Variants in GALNT1 observed in about 807,000 individuals in gnomAD.
GALNT1 encodes the protein polypeptide N-acetylgalactosaminyltransferase 1.
In GALNT1, 17 loss-of-function variants were observed where a neutral mutation model predicts 65.7. The ratio of observed to expected loss-of-function variants is 0.26; its 90% CI spans 0.18 to 0.39. The LOEUF is 0.39. Ranked by LOEUF, GALNT1 falls within the 10% of genes least tolerant of loss-of-function variation. The pLI is 1.00. For missense variants in GALNT1, 460 were observed against 672.8 expected (o/e 0.68, Z 3.50); for synonymous variants, 210 against 219.7 (o/e 0.96, Z 0.39).
Position 35,689,155 on chromosome 18 carries a change from A to G in GALNT1, c.861-18A>G. 1 of 1,450,556 alleles carries G rather than the reference A, an allele frequency of 6.9e-7. No individual in the cohort carries two copies. Among genetic ancestry groups the G allele is most frequent in the Non-Finnish European group, 9.7e-7 (1 of 1,032,446 alleles). 89.9% of individuals were successfully genotyped at this position (1,450,556 alleles called of 1,614,324 possible). On this transcript the variant is annotated intron_variant, in intron 6 of 11. Transcript: ENST00000269195. ...GTAAATTTTAAATTGCTAATGGTATAGCATTATTGAATTTCAGGACACCTA... is the reference window on the plus strand; with the variant it reads ...GTAAATTTTAAATTGCTAATGGTATGGCATTATTGAATTTCAGGACACCTA...
chr18:35,693,070 G>A (rs1281768946), intron 9 of GALNT1, among the ~76,000 whole-genome samples: 3 of 152,206 alleles, frequency 2.0e-5, no homozygotes, highest in African/African-American at 7.2e-5. Context: ...AATATGTCAG[G>A]TGGTGGTAAG....
At chr18:35,625,631 T>C (rs975768318) in intron 1 of GALNT1, among the ~76,000 whole-genome samples, 3 of 152,158 alleles carry the variant, frequency 2.0e-5, no homozygotes, top group African/African-American at 7.2e-5. Context: ...GTTGGTGTTG[T>C]AGCAAAAACA....
intron 1 of GALNT1, among the ~76,000 whole-genome samples, chr18:35,652,007 T>A (rs1013168029): frequency 8.5e-5 from 13 of 152,102 alleles, no homozygotes; most frequent in African/African-American, 3.1e-4. Flanking sequence ...TCTTCAATTT[T>A]CTAAAGACAT....
chr18:35,598,481 G>A (rs1302673092), intron 1 of GALNT1, among the ~76,000 whole-genome samples: 1 of 152,076 alleles, frequency 6.6e-6, no homozygotes, highest in Admixed American at 6.5e-5. Flanking sequence ...AGAACACGAG[G>A]TATTTGTCTT....
At chr18:35,598,815 C>T (rs1034783397) in intron 1 of GALNT1, among the ~76,000 whole-genome samples, 3 of 152,074 alleles carry the variant, frequency 2.0e-5, no homozygotes, top group Non-Finnish European at 4.4e-5. Context: ...TGCTGTTTTC[C>T]TTAATGGCTG....
chr18:35,640,199 C>A (rs1326142660), intron 1 of GALNT1, among the ~76,000 whole-genome samples: 1 of 152,100 alleles, frequency 6.6e-6, no homozygotes, highest in Non-Finnish European at 1.5e-5. Context: ...TAAAACCTAC[C>A]CTTTAAGATC....
chr18:35,686,987 GA>G, intron 5 of GALNT1, 28 bp from the exon 6 acceptor site: 1 of 1,586,730 alleles, frequency 6.3e-7, no homozygotes, highest in South Asian at 1.2e-5. Context: ...TGTTTTGAAA[GA>G]TTTCTTAACT....
At chr18:35,641,035 A>G (rs1284932360) in intron 1 of GALNT1, among the ~76,000 whole-genome samples, 1 of 152,182 alleles carries the variant, frequency 6.6e-6, no homozygotes, top group Non-Finnish European at 1.5e-5. Context: ...TATGTTGCCT[A>G]AGTTGGTCTT....
At chr18:35,624,699 TTC>T (rs1445862434) in intron 1 of GALNT1, among the ~76,000 whole-genome samples, 2 of 152,174 alleles carry the variant, frequency 1.3e-5, no homozygotes, top group African/African-American at 2.4e-5. Context: ...AACTTACACA[TTC>T]TGTTTTTATT....
intron 1 of GALNT1, among the ~76,000 whole-genome samples, chr18:35,646,119 G>A (rs573042377): frequency 4.3e-4 from 66 of 152,278 alleles, no homozygotes; most frequent in African/African-American, 1.5e-3. Context: ...TACAATCATG[G>A]CAGAAGGTGA....
At position 35,695,508 on chromosome 18, in the gene GALNT1, G is replaced by A. The variant is rs79924661; in HGVS notation, c.1299+3188G>A. 4.0e-3 allele frequency among the ~76,000 whole-genome samples: 616 copies of A among 152,260 alleles called. 4 individuals carry two copies. Among genetic ancestry groups the A allele is most frequent in the Non-Finnish European group, 7.0e-3 (478 of 68,000 alleles). ...AGAGAAAAGGATGTAAAATAGAAAT[G>A]TAAGATAAGGGAAAGCAAGTAGATC... On this transcript the variant is annotated intron_variant, in intron 9 of 11. Transcript: ENST00000269195.
At chr18:35,618,210 C>G (rs907022736) in intron 1 of GALNT1, among the ~76,000 whole-genome samples, 1 of 152,058 alleles carries the variant, frequency 6.6e-6, no homozygotes, top group Non-Finnish European at 1.5e-5. Context: ...TCATAATTAA[C>G]ATTATTTACA....
At position 35,586,634 on chromosome 18, in the gene GALNT1, C is replaced by T. The variant is rs570662489; in HGVS notation, c.-104+4772C>T. Among the ~76,000 whole-genome samples the T allele has an allele frequency of 1.1e-4, 16 of 151,956 alleles. No homozygotes were observed. In the South Asian group the frequency reaches 1.7e-3, roughly 16 times the overall value. ...GTGTGTGTTTGTGTGTGTGTTTATG[C>T]GTGTGTCTATGGATGTTCAGTTACT... On this transcript the variant is annotated intron_variant, in intron 1 of 11. Coordinates refer to ENST00000269195, the MANE Select transcript of GALNT1 (RefSeq NM_020474.4).
At chr18:35,647,427 A>G (rs2047245049) in intron 1 of GALNT1, among the ~76,000 whole-genome samples, 1 of 150,072 alleles carries the variant, frequency 6.7e-6, no homozygotes, top group Non-Finnish European at 1.5e-5. Flanking sequence ...GGGTGACTGA[A>G]TGAGTTAATA....
intron 1 of GALNT1, among the ~76,000 whole-genome samples, chr18:35,623,541 C>G (rs1233184525): frequency 6.6e-6 from 1 of 152,050 alleles, no homozygotes; most frequent in Non-Finnish European, 1.5e-5. Flanking sequence ...TTTTGCAACT[C>G]TGATTTCACA....
intron 1 of GALNT1, among the ~76,000 whole-genome samples, chr18:35,598,858 G>A (rs2046540275): frequency 1.3e-5 from 2 of 152,084 alleles, no homozygotes; most frequent in South Asian, 4.1e-4. Context: ...CAGCATATAA[G>A]GGCTCCCCTG....
At chr18:35,599,037 T>C (rs548762529) in intron 1 of GALNT1, among the ~76,000 whole-genome samples, 2 of 151,768 alleles carry the variant, frequency 1.3e-5, no homozygotes, top group African/African-American at 2.4e-5. Flanking sequence ...TTGTATGTCT[T>C]CTTTTTATTG....
At chr18:35,630,971 C>T (rs2046998876) in intron 1 of GALNT1, among the ~76,000 whole-genome samples, 1 of 152,118 alleles carries the variant, frequency 6.6e-6, no homozygotes, top group Non-Finnish European at 1.5e-5. Context: ...GGATAAATTC[C>T]TCGACACATA....
intron 4 of GALNT1, among the ~76,000 whole-genome samples, chr18:35,679,390 T>G (rs2047756055): frequency 6.6e-6 from 1 of 152,186 alleles, no homozygotes; most frequent in Non-Finnish European, 1.5e-5. Context: ...TGTAGAATAA[T>G]AAGTTTTTGT....
Sources: allele counts gnomAD v4.1 joint callset (sites outside exome capture counted in the v4.1 genomes callset), GRCh38; gene constraint gnomAD v4.1.1; transcripts MANE v1.5; gene names NCBI Gene and HGNC (gene_info 2026-07-23, HGNC 2026-07-21).